PTPRR: variants seen among roughly 807,000 people sequenced by gnomAD.
The protein encoded by PTPRR is receptor-type tyrosine-protein phosphatase R.
Under a neutral mutation model 77.2 loss-of-function variants are expected in PTPRR, and 38 were observed. The ratio of observed to expected loss-of-function variants is 0.49; its 90% CI spans 0.38 to 0.65. The LOEUF (loss-of-function observed/expected upper bound fraction) is 0.65. Among genes scored for constraint, PTPRR ranks in the 30% least tolerant of loss-of-function variants. The pLI is 0.00. For missense variants in PTPRR, 744 were observed against 799.2 expected (o/e 0.93, Z 0.83); for synonymous variants, 299 against 283.1 (o/e 1.06, Z -0.57).
At chr12:70,783,358 G>A (rs571482111) in intron 2 of PTPRR, among the ~76,000 whole-genome samples, 1 of 152,070 alleles carries the variant, frequency 6.6e-6, no homozygotes, top group East Asian at 1.9e-4. Flanking sequence ...GGAGGCCCTG[G>A]AGAAGATTGT....
At chr12:70,700,376 T>C (rs1281489928) in intron 7 of PTPRR, among the ~76,000 whole-genome samples, 2 of 152,226 alleles carry the variant, frequency 1.3e-5, no homozygotes, top group Admixed American at 1.3e-4. Flanking sequence ...TATCATGCTT[T>C]AAGCTTTCAC....
chr12:70,752,726 C>T (rs1890442669), intron 5 of PTPRR, among the ~76,000 whole-genome samples: 1 of 152,178 alleles, frequency 6.6e-6, no homozygotes, highest in South Asian at 2.1e-4. Flanking sequence ...TCTCCCCCTT[C>T]TCTTATCCTT....
In PTPRR at chr12:70,638,416, C is replaced by T. The variant is rs1029698686; in HGVS notation, c.*768G>A. ...TCAGAGTTGCTACAAATTTGTTTTT[C>T]CCTTTTAAAGTAAAATGACTCACGA... On this transcript the variant is annotated 3_prime_UTR_variant, in exon 14 of 14. Coordinates refer to ENST00000283228, the MANE Select transcript of PTPRR (RefSeq NM_002849.4). 4 of 152,516 alleles carry T rather than the reference C, an allele frequency of 2.6e-5. No homozygotes were observed. The highest frequency in any genetic ancestry group is 9.7e-5 in the African/African-American group (4 of 41,406). The allele number at this position is 152,516 out of a possible 1,614,324, so 9.4% of individuals were successfully genotyped here. A position where few individuals can be genotyped will look rare whatever the true frequency, so the allele number is the denominator to read the frequency against.
At chr12:70,888,530 T>C (rs552164098) in intron 2 of PTPRR, among the ~76,000 whole-genome samples, 3 of 152,344 alleles carry the variant, frequency 2.0e-5, no homozygotes, top group South Asian at 4.1e-4. Context: ...TAGGGCTTTA[T>C]ATGCATCCCA....
intron 6 of PTPRR, among the ~76,000 whole-genome samples, chr12:70,743,752 C>T (rs530606898): frequency 4.3e-4 from 66 of 152,222 alleles, no homozygotes; most frequent in East Asian, 1.7e-3. Flanking sequence ...GGTATGATTC[C>T]GTCCTTGTAT....
chr12:70,714,516 A>T (rs1480164592), intron 6 of PTPRR, among the ~76,000 whole-genome samples: 1 of 152,126 alleles, frequency 6.6e-6, no homozygotes, highest in African/African-American at 2.4e-5. Flanking sequence ...ATATTGGAAA[A>T]TTTGTCTTAT....
intron 2 of PTPRR, among the ~76,000 whole-genome samples, chr12:70,870,520 A>C (rs1447212398): frequency 2.0e-5 from 3 of 152,242 alleles, no homozygotes; most frequent in Non-Finnish European, 4.4e-5. Context: ...GAATGACAAC[A>C]AAAATCTTTA....
chr12:70,759,666 C>A, intron 4 of PTPRR, among the ~76,000 whole-genome samples: 2 of 98,520 alleles, frequency 2.0e-5, no homozygotes, highest in Admixed American at 1.7e-4. Context: ...GGAGACAGAG[C>A]AAGACTCCGT....
intron 2 of PTPRR, among the ~76,000 whole-genome samples, chr12:70,832,049 C>G (rs1259202922): frequency 6.6e-6 from 1 of 152,206 alleles, no homozygotes; most frequent in African/African-American, 2.4e-5. Context: ...TTGTTACTCT[C>G]AATGTCTAGA....
intron 11 of PTPRR, 26 bp from the exon 12 acceptor site, chr12:70,661,123 G>A: frequency 6.3e-7 from 1 of 1,590,530 alleles, no homozygotes; most frequent in South Asian, 1.1e-5. Flanking sequence ...GCCACCAAAT[G>A]CCTCATTCAC....
intron 6 of PTPRR, among the ~76,000 whole-genome samples, chr12:70,719,236 G>C (rs1043530009): frequency 1.3e-5 from 2 of 152,094 alleles, no homozygotes; most frequent in African/African-American, 2.4e-5. Context: ...CGACATGAAG[G>C]CCATTTCAGC....
chr12:70,832,358 T>C (rs1892227930), intron 2 of PTPRR, among the ~76,000 whole-genome samples: 1 of 152,180 alleles, frequency 6.6e-6, no homozygotes, highest in South Asian at 2.1e-4. Flanking sequence ...AAGGTCAACA[T>C]TCAGGTTTTT....
chr12:70,727,605 A>G (rs1255572159), intron 6 of PTPRR, among the ~76,000 whole-genome samples: 1 of 152,182 alleles, frequency 6.6e-6, no homozygotes, highest in African/African-American at 2.4e-5. Context: ...ATTTTATATT[A>G]GTTATGAACA....
chr12:70,812,574 C>T (rs1052851963), intron 2 of PTPRR, among the ~76,000 whole-genome samples: 62 of 152,284 alleles, frequency 4.1e-4, no homozygotes, highest in African/African-American at 1.4e-3. Flanking sequence ...CCCTAACCCA[C>T]GTTTCCCATC....
intron 8 of PTPRR, among the ~76,000 whole-genome samples, chr12:70,688,792 T>C (rs1365558777): frequency 6.6e-6 from 1 of 152,172 alleles, no homozygotes. Flanking sequence ...AACTGGAGTG[T>C]CCATCAACAG....
intron 2 of PTPRR, among the ~76,000 whole-genome samples, chr12:70,856,307 C>T (rs1208035258): frequency 1.3e-5 from 2 of 152,044 alleles, no homozygotes; most frequent in East Asian, 3.9e-4. Context: ...GTGTGTGAAA[C>T]AAGTAATGGG....
chr12:70,850,148 G>A (rs1002353231), intron 2 of PTPRR, among the ~76,000 whole-genome samples: 1 of 152,122 alleles, frequency 6.6e-6, no homozygotes. Context: ...GATCACCTGA[G>A]GTCAGGAGTT....
At chr12:70,866,560 A>AG (rs1892853538) in intron 2 of PTPRR, among the ~76,000 whole-genome samples, 1 of 152,220 alleles carries the variant, frequency 6.6e-6, no homozygotes, top group Admixed American at 6.5e-5. Flanking sequence ...AACCAAAAAA[A>AG]GTCCAGGACC....
intron 6 of PTPRR, among the ~76,000 whole-genome samples, chr12:70,739,740 C>A (rs1889985195): frequency 6.6e-6 from 1 of 152,142 alleles, no homozygotes; most frequent in Non-Finnish European, 1.5e-5. Context: ...TGTTATACAT[C>A]ACTGTGGGCA....
Sources: gnomAD v4.1 joint callset for allele counts (sites outside exome capture counted in the v4.1 genomes callset) on GRCh38, gnomAD v4.1.1 for gene constraint, MANE v1.5 for transcripts, NCBI Gene and HGNC (gene_info 2026-07-23, HGNC 2026-07-21) for gene names.